PKHD1: variants seen among roughly 807,000 people sequenced by gnomAD.
PKHD1 encodes the protein fibrocystin.
A neutral mutation model predicts 412.0 loss-of-function variants in PKHD1; 291 were observed. That is an observed-to-expected ratio of 0.71 (90% CI 0.64 to 0.78). The LOEUF is 0.78. Ranked by LOEUF, PKHD1 falls within the 30% of genes least tolerant of loss-of-function variation. The pLI is 0.00. For synonymous variants in PKHD1, 1,777 were observed against 1,821.5 expected, an observed-to-expected ratio of 0.98 and a Z score of 0.62; for missense variants, 4,825 against 4,950.7, an observed-to-expected ratio of 0.97 and a Z score of 0.76.
At chr6:51,759,069 T>A (rs1787549782) in intron 55 of PKHD1, among the ~76,000 whole-genome samples, 1 of 152,150 alleles carries the variant, frequency 6.6e-6, no homozygotes, top group Non-Finnish European at 1.5e-5. Flanking sequence ...CTACTAATAT[T>A]TAGTCTTTTT....
chr6:51,663,238 C>T (rs574240450), intron 60 of PKHD1, among the ~76,000 whole-genome samples: 2 of 152,184 alleles, frequency 1.3e-5, no homozygotes, highest in Admixed American at 1.3e-4. Flanking sequence ...CTCCTTTTTA[C>T]ACATTTTTTT....
At chr6:51,811,304 T>A (rs1283377458) in intron 52 of PKHD1, among the ~76,000 whole-genome samples, 1 of 152,148 alleles carries the variant, frequency 6.6e-6, no homozygotes, top group Non-Finnish European at 1.5e-5. Context: ...CATAAATATT[T>A]TTGTCATTGT....
At chr6:51,725,394 C>T (rs1782451512) in intron 60 of PKHD1, among the ~76,000 whole-genome samples, 1 of 152,156 alleles carries the variant, frequency 6.6e-6, no homozygotes, top group Non-Finnish European at 1.5e-5. Flanking sequence ...TGAAACCTTG[C>T]CCCTGTTTTG....
intron 52 of PKHD1, among the ~76,000 whole-genome samples, chr6:51,810,105 A>G (rs370868720): frequency 6.6e-6 from 1 of 152,134 alleles, no homozygotes; most frequent in African/African-American, 2.4e-5. Flanking sequence ...CAGTTAAGAG[A>G]AATTCCCCTA....
At chr6:52,052,769 G>C (rs1807068978) in intron 21 of PKHD1, among the ~76,000 whole-genome samples, 1 of 152,030 alleles carries the variant, frequency 6.6e-6, no homozygotes, top group Non-Finnish European at 1.5e-5. Flanking sequence ...AATGAAGTAG[G>C]GTCCTTATTA....
chr6:51,731,901 AGGTATATTTTAAACAATGTT>A (rs1783283091), intron 60 of PKHD1, among the ~76,000 whole-genome samples: 1 of 152,196 alleles, frequency 6.6e-6, no homozygotes, highest in South Asian at 2.1e-4. Flanking sequence ...GAAAATGTTT[AGGTATATTTTAAACAATGTT>A]TATATGTGAT....
intron 31 of PKHD1, among the ~76,000 whole-genome samples, chr6:52,026,933 T>C (rs1207852517): frequency 1.3e-5 from 2 of 152,254 alleles, no homozygotes; most frequent in African/African-American, 4.8e-5. Flanking sequence ...GATAATGTGC[T>C]ATCTTACACA....
chr6:51,891,263 T>A (rs574406065), intron 43 of PKHD1, among the ~76,000 whole-genome samples: 7 of 152,044 alleles, frequency 4.6e-5, no homozygotes, highest in Non-Finnish European at 1.0e-4. Context: ...TTTTGGGGTT[T>A]TGTTTTTTTG....
rs1791741596 is a variant in PKHD1, at chr6:51,959,896, C to G, written c.5882G>C (p.Ser1961Thr). ...GQLLLLDTNT[S>T]ILNLLHIKGG... ...TTTAATGTGCAGTAAGTTGAGGATG[C>G]TTGTGTTAGTGTCCAGCAGAAGCAA... Residue 1961 changes from serine (S) to threonine (T), a missense_variant, in exon 36 of 67, where the codon AGC becomes ACC. Transcript: ENST00000371117. The G allele has an allele frequency of 6.2e-7, 1 of 1,613,310 alleles. No homozygotes were observed. The highest frequency in any genetic ancestry group is 1.3e-5 in the African/African-American group (1 of 74,816).
At chr6:51,982,196 G>GC (rs1252434156) in intron 35 of PKHD1, among the ~76,000 whole-genome samples, 43 of 32,444 alleles carry the variant, frequency 1.3e-3, no homozygotes, top group African/African-American at 1.8e-3. Context: ...GGGGGGGTCA[G>GC]CCCCCCGCCC....
chr6:51,887,651 C>T (rs1778432711), intron 43 of PKHD1, among the ~76,000 whole-genome samples: 1 of 152,160 alleles, frequency 6.6e-6, no homozygotes, highest in Non-Finnish European at 1.5e-5. Flanking sequence ...TGCCTCTGTT[C>T]CTGCCATGTA....
chr6:51,989,969 AAGGAAGGAAGGAAGGG>A (rs1796824720), intron 35 of PKHD1, among the ~76,000 whole-genome samples: 1 of 97,354 alleles, frequency 1.0e-5, no homozygotes, highest in Admixed American at 1.1e-4. Flanking sequence ...AGAAGGAAGG[AAGGAAGGAAGGAAGGG>A]AGAGATACAG....
chr6:52,018,805 G>A (rs1010234290), intron 33 of PKHD1, among the ~76,000 whole-genome samples: 35 of 152,148 alleles, frequency 2.3e-4, no homozygotes, highest in African/African-American at 6.3e-4. Context: ...ATGAGCCACC[G>A]TGCCTGGCCA....
chr6:51,645,449 G>A (rs965638967), intron 63 of PKHD1, among the ~76,000 whole-genome samples: 3 of 152,066 alleles, frequency 2.0e-5, no homozygotes, highest in African/African-American at 4.8e-5. Context: ...CTAGAGTGCA[G>A]TGGCGCCATC....
chr6:51,693,447 G>C (rs1190299909), intron 60 of PKHD1, among the ~76,000 whole-genome samples: 1 of 152,178 alleles, frequency 6.6e-6, no homozygotes, highest in Non-Finnish European at 1.5e-5. Context: ...ACCTAGAACT[G>C]ACCATGTGCC....
At chr6:51,886,184 T>A (rs1778184883) in intron 44 of PKHD1, among the ~76,000 whole-genome samples, 1 of 152,136 alleles carries the variant, frequency 6.6e-6, no homozygotes, top group Non-Finnish European at 1.5e-5. Context: ...AAATGCAGAT[T>A]ACTCCAGAGC....
intron 28 of PKHD1, among the ~76,000 whole-genome samples, chr6:52,034,398 T>C (rs892224420): frequency 1.3e-5 from 2 of 152,132 alleles, no homozygotes; most frequent in African/African-American, 4.8e-5. Flanking sequence ...TTTTAACCTA[T>C]GCATCTATCA....
chr6:51,777,529 T>C (rs1307554121), intron 53 of PKHD1, among the ~76,000 whole-genome samples: 1 of 152,024 alleles, frequency 6.6e-6, no homozygotes, highest in Non-Finnish European at 1.5e-5. Context: ...AAAGATGTGC[T>C]AGAGCAGAAA....
At chr6:52,063,731 G>A (rs1305329450) in intron 13 of PKHD1, among the ~76,000 whole-genome samples, 2 of 152,012 alleles carry the variant, frequency 1.3e-5, no homozygotes, top group Non-Finnish European at 2.9e-5. Context: ...CACCACTTCC[G>A]GTCTAACAGC....
Sources: gnomAD v4.1 joint callset for allele counts (sites outside exome capture counted in the v4.1 genomes callset) on GRCh38, gnomAD v4.1.1 for gene constraint, MANE v1.5 for transcripts, NCBI Gene and HGNC (gene_info 2026-07-23, HGNC 2026-07-21) for gene names.